The following SLIT2 variants were observed in gnomAD, a reference collection of about 807,000 sequenced individuals.
SLIT2 encodes slit homolog 2 protein.
SLIT2 carries 41 observed loss-of-function variants against 185.7 expected under a neutral mutation model. The observed-to-expected ratio is 0.22, with a 90% CI of 0.17 to 0.29. The LOEUF (loss-of-function observed/expected upper bound fraction) is 0.29, where lower values mean the gene tolerates loss of function less well. SLIT2 is among the 10% of genes least tolerant of loss of function. The probability of loss-of-function intolerance (pLI) is 1.00; values close to 1 mark genes in which losing one functional copy is unlikely to be tolerated. For missense variants in SLIT2, 1,571 were observed against 1,909.0 expected, an observed-to-expected ratio of 0.82 and a Z score of 3.30; for synonymous variants, 693 against 680.2, an observed-to-expected ratio of 1.02 and a Z score of -0.29.
In SLIT2 at chr4:20,477,140, A is replaced by G. The variant is rs186623070; in HGVS notation, c.468-3576A>G. ...TAGAGTTATTCTAGGGCATCAGAAGATATACCTCCTACCATAAAAAAAAAA... is the reference window on the plus strand; with the variant it reads ...TAGAGTTATTCTAGGGCATCAGAAGGTATACCTCCTACCATAAAAAAAAAA... On this transcript the variant is annotated intron_variant, in intron 5 of 36. Coordinates refer to ENST00000504154, the MANE Select transcript of SLIT2 (RefSeq NM_004787.4). 6.2e-5 allele frequency among the ~76,000 whole-genome samples: 8 copies of G among 128,094 alleles called. No individual in the cohort carries two copies. In the East Asian group the frequency reaches 1.9e-3, roughly 30 times the overall value. The allele number at this position is 128,094 out of a possible 152,430, so 84.0% of individuals were successfully genotyped here. A position where few individuals can be genotyped will look rare whatever the true frequency, so the allele number is the denominator to read the frequency against.
chr4:20,549,080 G>A lies in SLIT2; in HGVS notation c.2441G>A (p.Arg814Lys). 1 of 1,601,670 alleles carries A rather than the reference G, an allele frequency of 6.2e-7. No homozygotes were observed. Among genetic ancestry groups the A allele is most frequent in the South Asian group, 1.1e-5 (1 of 90,792 alleles). Residue 814 changes from arginine (R) to lysine (K), a missense_variant, in exon 24 of 37, where the codon AGA becomes AAA. Arg to Lys is a conservative substitution (Grantham distance 26). Coordinates refer to ENST00000504154, the MANE Select transcript of SLIT2 (RefSeq NM_004787.4). ...AGAATTCTTAGTTACAACCGTCTGA[G>A]ATGTATTCCTCCTCGCACCTTTGAT... Reference protein sequence around the residue: ...LTLILSYNRLRCIPPRTFDGL... With the variant: ...LTLILSYNRLKCIPPRTFDGL...
rs979296938 is a variant in SLIT2, at chr4:20,595,281, T to C, written c.3183-416T>C. 3.3e-5 allele frequency among the ~76,000 whole-genome samples: 5 copies of C among 152,220 alleles called. No homozygotes were observed. In the East Asian group the frequency reaches 9.6e-4, roughly 29 times the overall value. On this transcript the variant is annotated intron_variant, in intron 30 of 36. Transcript: ENST00000504154. ...TTAATCTTTTTTTAAATATGTTTAATATTTCCAGTAAATTTTACAACATAG... is the reference window on the plus strand; with the variant it reads ...TTAATCTTTTTTTAAATATGTTTAACATTTCCAGTAAATTTTACAACATAG...
intron 4 of SLIT2, among the ~76,000 whole-genome samples, chr4:20,286,626 C>T (rs1577370698): frequency 6.6e-6 from 1 of 152,226 alleles, no homozygotes; most frequent in South Asian, 2.1e-4. Context: ...CATGGTGAAA[C>T]TCTGTCTCTA....
At chr4:20,608,871 A>G (rs1469205788) in intron 33 of SLIT2, among the ~76,000 whole-genome samples, 2 of 152,186 alleles carry the variant, frequency 1.3e-5, no homozygotes, top group East Asian at 1.9e-4. Flanking sequence ...GGAATAATCT[A>G]TCACATGCTC....
chr4:20,482,143 G>A (rs1218474421), intron 6 of SLIT2, among the ~76,000 whole-genome samples: 1 of 151,944 alleles, frequency 6.6e-6, no homozygotes, highest in Non-Finnish European at 1.5e-5. Flanking sequence ...CATAGTCAGT[G>A]TCACTAAAAT....
At chr4:20,518,283 C>T (rs71607024) in intron 11 of SLIT2, among the ~76,000 whole-genome samples, 14,196 of 130,124 alleles carry the variant, frequency 0.11, 1,110 homozygotes, top group South Asian at 0.25. Context: ...GACAGAGTCT[C>T]GCTCTGTCGC....
Position 20,596,412 on chromosome 4 carries a change from C to T in SLIT2, c.3321-3C>T. 2 of 1,610,358 alleles carry T rather than the reference C, an allele frequency of 1.2e-6. No individual in the cohort carries two copies. The highest frequency in any genetic ancestry group is 8.5e-7 in the Non-Finnish European group (1 of 1,178,822). ...CTAATTTTTTTTTCTCCTTATTCTT[C>T]AGTGGCTTGTTCTGTGAGTTTTCTC... On this transcript the variant is annotated splice_polypyrimidine_tract_variant and splice_region_variant and intron_variant, in intron 31 of 36. Transcript: ENST00000504154.
chr4:20,410,249 T>C (rs972723938), intron 4 of SLIT2, among the ~76,000 whole-genome samples: 26 of 132,016 alleles, frequency 2.0e-4, no homozygotes, highest in East Asian at 1.5e-3. Context: ...TTTTCTTTTT[T>C]TTTTTTTTTT....
chr4:20,353,471 T>C (rs556412675), intron 4 of SLIT2, among the ~76,000 whole-genome samples: 48 of 152,282 alleles, frequency 3.2e-4, no homozygotes, highest in Non-Finnish European at 6.0e-4. Flanking sequence ...ATATTCTTTA[T>C]GAATTACATA....
chr4:20,543,686 A>G (rs932392627), intron 21 of SLIT2, among the ~76,000 whole-genome samples: 12 of 152,136 alleles, frequency 7.9e-5, no homozygotes, highest in Admixed American at 6.5e-4. Flanking sequence ...TTATTTTCAA[A>G]TCACATGCAA....
In SLIT2 at chr4:20,529,042, G is replaced by A; in HGVS notation, c.1556G>A (p.Cys519Tyr). 6.2e-7 allele frequency: 1 copy of A among 1,613,922 alleles called. No individual in the cohort carries two copies. The highest frequency in any genetic ancestry group is 8.5e-7 in the Non-Finnish European group (1 of 1,179,874). ...CGCTGTGAAGGAACCACAGTAGATT[G>A]CTCTAATCAAAAGCTCAACAAAATC... The part of the protein sequence containing the change: ...KCRCEGTTVD[C>Y]SNQKLNKIPE... The change falls in exon 16 of 37, where the codon TGC becomes TAC. Residue 519 changes from cysteine (C) to tyrosine (Y), a missense_variant. Coordinates refer to ENST00000504154, the MANE Select transcript of SLIT2 (RefSeq NM_004787.4).
intron 4 of SLIT2, among the ~76,000 whole-genome samples, chr4:20,340,382 A>T (rs1720863120): frequency 6.6e-6 from 1 of 152,166 alleles, no homozygotes; most frequent in Non-Finnish European, 1.5e-5. Flanking sequence ...TTTATGTGTG[A>T]CCATTCTTCA....
intron 33 of SLIT2, among the ~76,000 whole-genome samples, chr4:20,603,209 A>G (rs116707347): frequency 0.013 from 1,967 of 152,276 alleles, 42 homozygotes; most frequent in African/African-American, 0.045. Context: ...AACTAAGCGA[A>G]AGGGGAAAAC....
At chr4:20,307,523 G>A (rs1476928400) in intron 4 of SLIT2, among the ~76,000 whole-genome samples, 4 of 151,850 alleles carry the variant, frequency 2.6e-5, no homozygotes, top group Non-Finnish European at 4.4e-5. Context: ...GCCTGCTAAA[G>A]TATTGGGATT....
chr4:20,339,785 A>G (rs1210360340), intron 4 of SLIT2, among the ~76,000 whole-genome samples: 1 of 152,198 alleles, frequency 6.6e-6, no homozygotes, highest in East Asian at 1.9e-4. Context: ...GAAGACCCCA[A>G]GTCATTGAAA....
rs114793757 is a variant in SLIT2 at position 20,458,565 on chromosome 4, C to T, written c.396-9187C>T. Among the ~76,000 whole-genome samples, 835 of 152,246 alleles carry T rather than the reference C, an allele frequency of 5.5e-3. 8 individuals are homozygous for T. Among genetic ancestry groups the T allele is most frequent in the African/African-American group, 0.019 (788 of 41,546 alleles). On this transcript the variant is annotated intron_variant, in intron 4 of 36. Transcript: ENST00000504154. ...AGAAGTCTGTTTTTTAAAACAATGT[C>T]CCTAGGTATTTTTTATGGGTGATCT... is the stretch of plus-strand genomic sequence containing the variant.
rs138063762 is a variant in SLIT2 at position 20,301,114 on chromosome 4, A to G, written c.395+32233A>G. Among the ~76,000 whole-genome samples, 316 of 152,262 alleles carry G rather than the reference A, an allele frequency of 2.1e-3. 3 individuals are homozygous for G. The highest frequency in any genetic ancestry group is 1.9e-3 in the South Asian group (9 of 4,826). ...ATCTACCTGTTTTCTCATATATTCA[A>G]TGAGATGCTAATTATTTGCTTTGTT... On this transcript the variant is annotated intron_variant, in intron 4 of 36. Coordinates refer to ENST00000504154, the MANE Select transcript of SLIT2 (RefSeq NM_004787.4).
chr4:20,413,643 A>AT (rs1460550757), intron 4 of SLIT2, among the ~76,000 whole-genome samples: 8 of 151,916 alleles, frequency 5.3e-5, no homozygotes, highest in Admixed American at 3.9e-4. Flanking sequence ...CATGTTAATG[A>AT]TTTTCATGTC....
chr4:20,282,506 T>A (rs1714870789), intron 4 of SLIT2, among the ~76,000 whole-genome samples: 1 of 152,180 alleles, frequency 6.6e-6, no homozygotes, highest in African/African-American at 2.4e-5. Context: ...TGTAATACCT[T>A]TTATTTATTA....
Sources: allele counts gnomAD v4.1 joint callset (sites outside exome capture counted in the v4.1 genomes callset), GRCh38; gene constraint gnomAD v4.1.1; transcripts MANE v1.5; gene names NCBI Gene and HGNC (gene_info 2026-07-23, HGNC 2026-07-21).